The following MTOR variants were observed in gnomAD, a reference collection of about 807,000 sequenced individuals.
The protein encoded by MTOR is serine/threonine-protein kinase mTOR.
In MTOR, 70 loss-of-function variants were observed where a neutral mutation model predicts 319.8. The observed-to-expected ratio is 0.22, with a 90% CI of 0.18 to 0.27. The LOEUF (loss-of-function observed/expected upper bound fraction) is 0.27. Ranked by LOEUF, MTOR falls within the 10% of genes least tolerant of loss-of-function variation. The pLI is 1.00. For synonymous variants in MTOR, 1,183 were observed against 1,211.4 expected, an observed-to-expected ratio of 0.98 and a Z score of 0.49; for missense variants, 1,890 against 3,274.4, an observed-to-expected ratio of 0.58 and a Z score of 10.32.
rs1234431409 is a variant in MTOR at position 11,146,659 on chromosome 1, T to G, written c.4686+17A>C. ...TCTTTTCCTCACTGAGAGATCTGGGTGCATGTAGGTTTTTACCTGTTGTGC... is the reference window on the plus strand; with the variant it reads ...TCTTTTCCTCACTGAGAGATCTGGGGGCATGTAGGTTTTTACCTGTTGTGC... On this transcript the variant is annotated intron_variant, in intron 32 of 57. Transcript: ENST00000361445. 1.9e-6 allele frequency: 3 copies of G among 1,592,466 alleles called. No homozygotes were observed. Among genetic ancestry groups the G allele is most frequent in the Non-Finnish European group, 2.6e-6 (3 of 1,160,304 alleles).
Position 11,199,429 on chromosome 1 carries a change from A to G in MTOR, c.4108-26T>C, listed in dbSNP as rs1271456293. 1 of 1,614,010 alleles carries G rather than the reference A, an allele frequency of 6.2e-7. No homozygotes were observed. Among genetic ancestry groups the G allele is most frequent in the Non-Finnish European group, 8.5e-7 (1 of 1,180,002 alleles). Reference sequence around the variant, plus strand: ...CTGGAGAAGAGCAAAACCTCACAGCACAGGAAAATGGCAGATGGGGCACAA... The same window carrying G: ...CTGGAGAAGAGCAAAACCTCACAGCGCAGGAAAATGGCAGATGGGGCACAA... On this transcript the variant is annotated intron_variant, in intron 27 of 57. Transcript: ENST00000361445. This position sits in a 1 kb window ranked among gnomAD's most constrained non-coding sequence, Gnocchi z 4.5.
At chr1:11,219,291 T>TA (rs879610417) in intron 19 of MTOR, among the ~76,000 whole-genome samples, 166 of 146,154 alleles carry the variant, frequency 1.1e-3, no homozygotes, top group Non-Finnish European at 1.5e-3. Context: ...AATGGTGAGT[T>TA]AAAAAAAAAA....
intron 17 of MTOR, 85 bp downstream of exon 17, chr1:11,231,215 T>C: frequency 6.3e-7 from 1 of 1,593,726 alleles, no homozygotes; most frequent in Non-Finnish European, 8.6e-7. Context: ...ACTGACACTG[T>C]CAGAGCATGT....
intron 14 of MTOR, 138 bp downstream of exon 14, chr1:11,234,005 C>T (rs981200815): frequency 1.6e-6 from 2 of 1,218,140 alleles, no homozygotes; most frequent in Admixed American, 1.8e-5. Context: ...CTTGATATGG[C>T]CCTTTGGTCT....
At chr1:11,164,145 C>G (rs1024812503) in intron 29 of MTOR, among the ~76,000 whole-genome samples, 1 of 151,858 alleles carries the variant, frequency 6.6e-6, no homozygotes, top group African/African-American at 2.4e-5. Flanking sequence ...GAGATCAAGA[C>G]CATCCTGGCT....
chr1:11,247,604 G>A (rs764834827), intron 8 of MTOR, 21 bp downstream of exon 8: 69 of 1,607,858 alleles, frequency 4.3e-5, no homozygotes, highest in Non-Finnish European at 5.7e-5. Flanking sequence ...GGGTAATGAT[G>A]TCTTCCATGG....
Position 11,128,691 on chromosome 1 carries a change from G to A in MTOR, c.5812-139C>T, listed in dbSNP as rs1642970455. 1 of 1,039,796 alleles carries A rather than the reference G, an allele frequency of 9.6e-7. No individual in the cohort carries two copies. The highest frequency in any genetic ancestry group is 2.3e-5 in the Admixed American group (1 of 43,404). The allele number at this position is 1,039,796 out of a possible 1,614,324, so 64.4% of individuals were successfully genotyped here. ...ATTCCCTTCCCTTTAGTTTCTAAAA[G>A]AAAATAAAGAAAATATGGACACTTG... is the stretch of plus-strand genomic sequence containing the variant. On this transcript the variant is annotated intron_variant, in intron 41 of 57. Coordinates refer to ENST00000361445, the MANE Select transcript of MTOR (RefSeq NM_004958.4). This position sits in a 1 kb window ranked among gnomAD's most constrained non-coding sequence, Gnocchi z 5.3.
At position 11,258,467 on chromosome 1, in the gene MTOR, CAGAG is replaced by C. The variant is rs748272316; in HGVS notation, c.271+14_271+17del. 56 of 1,574,628 alleles carry C rather than the reference CAGAG, an allele frequency of 3.6e-5. No homozygotes were observed. Among genetic ancestry groups the C allele is most frequent in the South Asian group, 2.3e-4 (21 of 89,794 alleles). On this transcript the variant is annotated intron_variant, in intron 3 of 57. Transcript: ENST00000361445. ...AAGGTGAGTGTGTTGTTTTTGTGAC[CAGAG>C]ACTCTGTCCTTACCTATGGCCAAGA...
At chr1:11,255,903 A>G in intron 5 of MTOR, 89 bp downstream of exon 5, 1 of 1,240,484 alleles carries the variant, frequency 8.1e-7, no homozygotes, top group Non-Finnish European at 1.1e-6. Context: ...TTCTTGCTCC[A>G]TGGCAAGGGC....
At chr1:11,209,229 G>A (rs2100781323) in intron 25 of MTOR, 83 bp downstream of exon 25, 1 of 1,541,298 alleles carries the variant, frequency 6.5e-7, no homozygotes, top group Non-Finnish European at 8.8e-7. Flanking sequence ...GTTTTCGGTT[G>A]CCCAGTTTAA....
rs761057363 is a variant in MTOR, at chr1:11,189,914, T to C, written c.4253+9344A>G. 5.0e-6 allele frequency: 8 copies of C among 1,613,672 alleles called. No individual in the cohort carries two copies. The South Asian group carries it at 6.6e-5, about 13-fold the overall frequency. On this transcript the variant is annotated intron_variant, in intron 28 of 57. Coordinates refer to ENST00000361445, the MANE Select transcript of MTOR (RefSeq NM_004958.4). ...GAGATGAACAACCAAATTGACATCA[T>C]GCAGCTGCAGGCAGCACAGACGGTC...
At chr1:11,253,318 A>G (rs1386430527) in intron 6 of MTOR, among the ~76,000 whole-genome samples, 1 of 152,054 alleles carries the variant, frequency 6.6e-6, no homozygotes, top group Non-Finnish European at 1.5e-5. Context: ...ATTTTTTCCT[A>G]TAAGCAGTCA....
chr1:11,257,073 C>CA lies in MTOR; in HGVS notation c.363dup (p.Val122CysfsTer22). The CA allele has an allele frequency of 6.2e-7, 1 of 1,614,162 alleles. No individual in the cohort carries two copies. The highest frequency in any genetic ancestry group is 8.5e-7 in the Non-Finnish European group (1 of 1,180,022). ...ATGGCCTTGGATGCCATTTCCATGA[C>CA]AACTGGGTCATTGGAGGGGAGGAGG... On this transcript the variant is annotated frameshift_variant, in exon 4 of 58. Coordinates refer to ENST00000361445, the MANE Select transcript of MTOR (RefSeq NM_004958.4). LOFTEE classifies it high-confidence loss of function.
At position 11,112,940 on chromosome 1, in the gene MTOR, T is replaced by C. The variant is rs1148479; in HGVS notation, c.7301-23A>G. ...TTGCTAGGGAGAGAAATAAAGAGTA[T>C]TGAAACATGCTTCAAATTTTGACTT... On this transcript the variant is annotated intron_variant, in intron 53 of 57. Coordinates refer to ENST00000361445, the MANE Select transcript of MTOR (RefSeq NM_004958.4). The C allele has an allele frequency of 1.7e-3, 2,655 of 1,602,368 alleles. 53 individuals are homozygous for C. The African/African-American group carries it at 0.03, about 18-fold the overall frequency.
At chr1:11,204,429 T>C in intron 26 of MTOR, 132 bp downstream of exon 26, 1 of 1,266,214 alleles carries the variant, frequency 7.9e-7, no homozygotes, top group African/African-American at 1.5e-5. Context: ...TTTGTCTTTC[T>C]CTTTCTTTGT....
intron 26 of MTOR, among the ~76,000 whole-genome samples, chr1:11,202,264 C>T (rs1016355944): frequency 6.6e-6 from 1 of 151,490 alleles, no homozygotes; most frequent in Non-Finnish European, 1.5e-5. Flanking sequence ...CCCATCTCTA[C>T]TAAAAGTACA....
chr1:11,115,375 G>A lies in MTOR; in HGVS notation c.7089+21C>T. The A allele has an allele frequency of 6.2e-7, 1 of 1,612,024 alleles. No individual in the cohort carries two copies. The highest frequency in any genetic ancestry group is 8.5e-7 in the Non-Finnish European group (1 of 1,178,188). ...TGATCACCCGGGAAGATGAGGTTGG[G>A]GTTCTAGAACATGTGTTCACCTCAA... is the stretch of plus-strand genomic sequence containing the variant. On this transcript the variant is annotated intron_variant, in intron 51 of 57. Transcript: ENST00000361445. The surrounding 1 kb of genome is among the most constrained non-coding windows in gnomAD (Gnocchi z 4.5).
intron 28 of MTOR, among the ~76,000 whole-genome samples, chr1:11,173,300 C>CT (rs1644881899): frequency 6.6e-6 from 1 of 151,760 alleles, no homozygotes; most frequent in Non-Finnish European, 1.5e-5. Flanking sequence ...AGCCCACTCT[C>CT]TTTTTTTCAC....
chr1:11,107,147 A>G lies in MTOR; in HGVS notation c.*338T>C, dbSNP rs1053640407. The G allele has an allele frequency of 2.9e-6, 4 of 1,385,770 alleles. No homozygotes were observed. The Admixed American group carries it at 8.6e-5, about 30-fold the overall frequency. The allele number at this position is 1,385,770 out of a possible 1,614,324, so 85.8% of individuals were successfully genotyped here. A position where few individuals can be genotyped will look rare whatever the true frequency, so the allele number is the denominator to read the frequency against. ...CAACTAGGTCATTCTTCCATCAGCA[A>G]GTACTTATGATGAGTTCTCTTGTGA... is the stretch of plus-strand genomic sequence containing the variant. On this transcript the variant is annotated 3_prime_UTR_variant, in exon 58 of 58. Transcript: ENST00000361445.
Sources: gnomAD v4.1 joint callset for allele counts (sites outside exome capture counted in the v4.1 genomes callset) on GRCh38, gnomAD v4.1.1 for gene constraint, Gnocchi (gnomAD v3.1) non-coding constraint, MANE v1.5 for transcripts, NCBI Gene and HGNC (gene_info 2026-07-23, HGNC 2026-07-21) for gene names.